Variants in COPS3 observed in about 807,000 individuals in gnomAD.
COPS3 encodes the protein COP9 signalosome complex subunit 3.
In COPS3, 10 loss-of-function variants were observed where a neutral mutation model predicts 58.2. That is an observed-to-expected ratio of 0.17 (90% CI 0.11 to 0.29). COPS3 has a LOEUF of 0.29. Among genes scored for constraint, COPS3 ranks in the 10% least tolerant of loss-of-function variants. The pLI, the probability that COPS3 is intolerant of heterozygous loss-of-function variation, is 1.00. For synonymous variants in COPS3, 187 were observed against 181.7 expected (o/e 1.03, Z -0.24); for missense variants, 333 against 510.1 (o/e 0.65, Z 3.34).
chr17:17,274,987 G>A (rs960935913), intron 2 of COPS3, among the ~76,000 whole-genome samples: 1 of 152,048 alleles, frequency 6.6e-6, no homozygotes, highest in Non-Finnish European at 1.5e-5. Context: ...AGACCACACA[G>A]CTGGTGGCAG....
chr17:17,261,948 T>C lies in COPS3; in HGVS notation c.762+18A>G. The C allele has an allele frequency of 6.4e-7, 1 of 1,569,050 alleles. No individual in the cohort carries two copies. Among genetic ancestry groups the C allele is most frequent in the Admixed American group, 2.0e-5 (1 of 50,820 alleles). Reference sequence around the variant, plus strand: ...CAACATGCTCACGTAAGAAATCAGTTTTATGTAAAAAACTTACCTTAATGA... The same window carrying C: ...CAACATGCTCACGTAAGAAATCAGTCTTATGTAAAAAACTTACCTTAATGA... On this transcript the variant is annotated intron_variant, in intron 7 of 11. Coordinates refer to ENST00000268717, the MANE Select transcript of COPS3 (RefSeq NM_003653.4).
chr17:17,247,731 A>C, intron 10 of COPS3, 171 bp from the exon 11 acceptor site: 1 of 572,340 alleles, frequency 1.7e-6, no homozygotes, highest in Non-Finnish European at 3.1e-6. Flanking sequence ...AAGCTAATAC[A>C]TCTATCATAT....
intron 10 of COPS3, 27 bp downstream of exon 10, chr17:17,248,899 A>C: frequency 1.4e-6 from 2 of 1,394,410 alleles, no homozygotes; most frequent in South Asian, 2.5e-5. Flanking sequence ...TCAATTAAAA[A>C]AATAAAAACC....
Position 17,254,986 on chromosome 17 carries a change from GA to G in COPS3, c.937-42del. The G allele has an allele frequency of 1.4e-6, 2 of 1,384,740 alleles. 1 individual carries two copies. Among genetic ancestry groups the G allele is most frequent in the South Asian group, 2.3e-5 (2 of 85,574 alleles). The allele number at this position is 1,384,740 out of a possible 1,614,324, so 85.8% of individuals were successfully genotyped here. On this transcript the variant is annotated intron_variant, in intron 8 of 11. Coordinates refer to ENST00000268717, the MANE Select transcript of COPS3 (RefSeq NM_003653.4). Reference sequence around the variant, plus strand: ...AGAATTAGTCACAGGTAGGAACAACGAAGGAAGGACATTTTATTAAATGTGT... The same window carrying G: ...AGAATTAGTCACAGGTAGGAACAACGAGGAAGGACATTTTATTAAATGTGT...
At chr17:17,270,498 G>A (rs1028236058) in intron 4 of COPS3, among the ~76,000 whole-genome samples, 1 of 151,980 alleles carries the variant, frequency 6.6e-6, no homozygotes, top group Admixed American at 6.6e-5. Flanking sequence ...AACATAAAGG[G>A]TACTGGCTTG....
intron 5 of COPS3, among the ~76,000 whole-genome samples, chr17:17,265,494 G>A (rs1232499380): frequency 6.6e-6 from 1 of 151,854 alleles, no homozygotes; most frequent in Non-Finnish European, 1.5e-5. Flanking sequence ...CACCTCCCGG[G>A]TTCAAGTGAT....
At chr17:17,249,818 G>A (rs1203664265) in intron 9 of COPS3, among the ~76,000 whole-genome samples, 1 of 152,096 alleles carries the variant, frequency 6.6e-6, no homozygotes, top group African/African-American at 2.4e-5. Flanking sequence ...AATAAACACG[G>A]GGTTTCACCA....
chr17:17,254,928 T>C lies in COPS3; in HGVS notation c.954A>G (p.Ser318=), dbSNP rs377145010. The change falls in exon 9 of 12, where the codon TCA becomes TCG. Residue 318 remains serine, a synonymous_variant. Transcript: ENST00000268717. ...GCACACGACTTGCCATATCTTGTAATGATAGAGTTAAAAAGGTCTGAAAGT... is the reference window on the plus strand; with the variant it reads ...GCACACGACTTGCCATATCTTGTAACGATAGAGTTAAAAAGGTCTGAAAGT... ...QRLTKTFLTL[S]LQDMASRVQL... is the part of the protein sequence containing the mutation. 19 of 1,612,194 alleles carry C rather than the reference T, an allele frequency of 1.2e-5. No homozygotes were observed. The highest frequency in any genetic ancestry group is 1.6e-5 in the Non-Finnish European group (19 of 1,179,108).
intron 5 of COPS3, among the ~76,000 whole-genome samples, chr17:17,265,379 A>T (rs1433471855): frequency 1.3e-5 from 2 of 151,414 alleles, no homozygotes; most frequent in African/African-American, 4.9e-5. Context: ...TTTCTTAGCC[A>T]TTCAGAAAAA....
At chr17:17,253,984 C>A (rs1208397823) in intron 9 of COPS3, among the ~76,000 whole-genome samples, 2 of 143,082 alleles carry the variant, frequency 1.4e-5, no homozygotes, top group Non-Finnish European at 3.1e-5. Context: ...AAGCGAGAGT[C>A]CGCCTCAAAA....
chr17:17,260,805 A>AC (rs2048079154), intron 7 of COPS3: 2 of 169,140 alleles, frequency 1.2e-5, no homozygotes. Flanking sequence ...TCCGTCTCAA[A>AC]AAAAAAAAAA....
At chr17:17,264,122 T>A (rs551367939) in intron 6 of COPS3, among the ~76,000 whole-genome samples, 1 of 152,248 alleles carries the variant, frequency 6.6e-6, no homozygotes, top group Non-Finnish European at 1.5e-5. Context: ...CATGTATGCA[T>A]GTGTATTATG....
intron 7 of COPS3, 44 bp downstream of exon 7, chr17:17,261,922 T>C: frequency 3.3e-6 from 5 of 1,518,428 alleles, no homozygotes; most frequent in Non-Finnish European, 4.5e-6. Flanking sequence ...CTTTATATAC[T>C]CAACATGCTC....
At chr17:17,262,590 T>C (rs1425246024) in intron 6 of COPS3, among the ~76,000 whole-genome samples, 2 of 151,202 alleles carry the variant, frequency 1.3e-5, no homozygotes, top group Non-Finnish European at 3.0e-5. Context: ...ATTAGCCGGG[T>C]GTGGTGGTGG....
chr17:17,260,425 T>C lies in COPS3; in HGVS notation c.812A>G (p.Asn271Ser). 3 of 1,613,822 alleles carry C rather than the reference T, an allele frequency of 1.9e-6. No homozygotes were observed. The highest frequency in any genetic ancestry group is 1.3e-5 in the African/African-American group (1 of 74,936). Residue 271 changes from asparagine to serine, a missense_variant, in exon 8 of 12, where the codon AAC becomes AGC. Asn to Ser is a conservative substitution (Grantham distance 46, BLOSUM62 1). Coordinates refer to ENST00000268717, the MANE Select transcript of COPS3 (RefSeq NM_003653.4). ...CACCAGGTTTCGGAGTTCTGAGGGG[T>C]TGTTGGTTGAATACACTTGTGCTAA... ...HELAQVYSTN[N>S]PSELRNLVNK...
intron 5 of COPS3, 71 bp from the exon 6 acceptor site, chr17:17,265,052 C>A (rs1489593982): frequency 1.5e-6 from 2 of 1,341,684 alleles, no homozygotes; most frequent in Non-Finnish European, 2.1e-6. Context: ...GGAGAAAATT[C>A]ATTGATTCCA....
Position 17,270,909 on chromosome 17 carries a change from A to G in COPS3, c.285T>C (p.Tyr95=), listed in dbSNP as rs752926469. The change falls in exon 3 of 12, where the codon TAT becomes TAC. Residue 95 remains tyrosine, a synonymous_variant. Transcript: ENST00000268717. ...ISTCNGEHIR[Y]ATDTFAGLCH... is the part of the protein sequence containing the mutation. ...TATTTAGCTTACAAGTGTCTGTTGCATATCGAATGTGCTCCCCATTACAAG... is the reference window on the plus strand; with the variant it reads ...TATTTAGCTTACAAGTGTCTGTTGCGTATCGAATGTGCTCCCCATTACAAG... 3 of 1,613,714 alleles carry G rather than the reference A, an allele frequency of 1.9e-6. No individual in the cohort carries two copies. The highest frequency in any genetic ancestry group is 1.6e-4 in the Middle Eastern group (1 of 6,062).
intron 2 of COPS3, among the ~76,000 whole-genome samples, chr17:17,275,329 C>T (rs1208015652): frequency 1.3e-5 from 2 of 152,112 alleles, no homozygotes; most frequent in African/African-American, 4.8e-5. Context: ...CCAAGTGATC[C>T]ACCTGCCTCT....
intron 6 of COPS3, among the ~76,000 whole-genome samples, chr17:17,263,084 C>G (rs1217927739): frequency 8.6e-4 from 130 of 151,808 alleles, no homozygotes; most frequent in South Asian, 6.2e-4. Flanking sequence ...GTCAGGAGAT[C>G]AAGACCATCC....
Sources: gnomAD v4.1 joint callset for allele counts (sites outside exome capture counted in the v4.1 genomes callset) on GRCh38, gnomAD v4.1.1 for gene constraint, MANE v1.5 for transcripts, NCBI Gene and HGNC (gene_info 2026-07-23, HGNC 2026-07-21) for gene names.